Variants in MAMDC2 observed in about 807,000 individuals in gnomAD.
The protein encoded by MAMDC2 is MAM domain-containing protein 2.
A neutral mutation model predicts 89.8 loss-of-function variants in MAMDC2; 57 were observed. That is an observed-to-expected ratio of 0.63 (90% CI 0.51 to 0.79). The LOEUF (loss-of-function observed/expected upper bound fraction) is 0.79, where lower values mean the gene tolerates loss of function less well. Ranked by LOEUF, MAMDC2 falls within the 30% of genes least tolerant of loss-of-function variation. MAMDC2 has a pLI of 0.00. For synonymous variants in MAMDC2, 313 were observed against 293.4 expected (o/e 1.07, Z -0.68); for missense variants, 800 against 820.6 (o/e 0.97, Z 0.31).
intron 9 of MAMDC2, among the ~76,000 whole-genome samples, chr9:70,146,497 A>G (rs1427114190): frequency 6.6e-6 from 1 of 152,242 alleles, no homozygotes; most frequent in Non-Finnish European, 1.5e-5. Context: ...TCATAGAAGC[A>G]TGCATTGGGT....
chr9:70,170,375 A>G (rs1433917494), intron 10 of MAMDC2, 104 bp from the exon 11 acceptor site: 15 of 1,314,396 alleles, frequency 1.1e-5, no homozygotes, highest in Non-Finnish European at 1.5e-5. Context: ...TCTCCATCGC[A>G]TGGCATATGG....
chr9:70,209,343 C>G (rs2033301210), intron 11 of MAMDC2, among the ~76,000 whole-genome samples: 1 of 152,118 alleles, frequency 6.6e-6, no homozygotes, highest in Non-Finnish European at 1.5e-5. Flanking sequence ...TCAACTTCTT[C>G]CTGGTTTAGT....
chr9:70,136,762 T>G (rs2031027997), intron 7 of MAMDC2, among the ~76,000 whole-genome samples: 1 of 152,170 alleles, frequency 6.6e-6, no homozygotes, highest in Non-Finnish European at 1.5e-5. Context: ...AGATTTGGGA[T>G]TTTTATTTGT....
intron 5 of MAMDC2, among the ~76,000 whole-genome samples, chr9:70,120,904 C>G (rs1029804527): frequency 1.3e-5 from 2 of 152,184 alleles, no homozygotes; most frequent in South Asian, 4.1e-4. Flanking sequence ...AACTCATTAT[C>G]TTTGGGTGCC....
intron 11 of MAMDC2, among the ~76,000 whole-genome samples, chr9:70,192,213 G>GT (rs1023722857): frequency 4.6e-5 from 7 of 152,034 alleles, no homozygotes; most frequent in Admixed American, 1.3e-4. Context: ...TTCAAAACAG[G>GT]TGTTTTCTTT....
chr9:70,172,054 T>G (rs1202028472), intron 11 of MAMDC2: 1 of 152,206 alleles, frequency 6.6e-6, no homozygotes, highest in Non-Finnish European at 1.5e-5. Flanking sequence ...ATGAACAGCT[T>G]TATTTTTTCT....
chr9:70,213,321 A>T (rs2033390611), intron 11 of MAMDC2, among the ~76,000 whole-genome samples: 1 of 152,166 alleles, frequency 6.6e-6, no homozygotes, highest in Non-Finnish European at 1.5e-5. Context: ...TGAGAATTTC[A>T]TCTATAGCTA....
intron 8 of MAMDC2, among the ~76,000 whole-genome samples, chr9:70,142,726 GTCTTTCTCT>G (rs566502316): frequency 6.6e-6 from 1 of 152,254 alleles, no homozygotes; most frequent in East Asian, 1.9e-4. Flanking sequence ...GCTCTGGCAT[GTCTTTCTCT>G]TCTTTTGAGT....
intron 6 of MAMDC2, among the ~76,000 whole-genome samples, chr9:70,128,641 G>A (rs1326786953): frequency 6.6e-6 from 1 of 151,950 alleles, no homozygotes; most frequent in Non-Finnish European, 1.5e-5. Flanking sequence ...GTTCAAGAGG[G>A]AGTCAACCTG....
Position 70,061,140 on chromosome 9 carries a change from C to G in MAMDC2, c.148+16443C>G, listed in dbSNP as rs1359960076. Among the ~76,000 whole-genome samples, 4 of 152,298 alleles carry G rather than the reference C, an allele frequency of 2.6e-5. No individual in the cohort carries two copies. The East Asian group carries it at 7.7e-4, about 29-fold the overall frequency. ...ACAACCAAGAGTTTACATCTGTGTT[C>G]TCCAGGCCCACTTAAATAGAACCAC... On this transcript the variant is annotated intron_variant, in intron 2 of 13. Coordinates refer to ENST00000377182, the MANE Select transcript of MAMDC2 (RefSeq NM_153267.5).
At chr9:70,095,213 A>T (rs1486843471) in intron 2 of MAMDC2, among the ~76,000 whole-genome samples, 1 of 152,216 alleles carries the variant, frequency 6.6e-6, no homozygotes, top group Non-Finnish European at 1.5e-5. Flanking sequence ...CACCAAGGCC[A>T]TGTAAATTGA....
Position 70,143,772 on chromosome 9 carries a change from G to A in MAMDC2, c.1357G>A (p.Val453Ile). The A allele has an allele frequency of 6.2e-7, 1 of 1,614,200 alleles. No homozygotes were observed. The highest frequency in any genetic ancestry group is 8.5e-7 in the Non-Finnish European group (1 of 1,180,020). ...GTCTGTGTTGGAGTCCCCAAGGGGT[G>A]TTTGGATGCAAGCTGAAATCACCTT... is the stretch of plus-strand genomic sequence containing the variant. ...IWSVLESPRG[V>I]WMQAEITFKK... Residue 453 changes from valine to isoleucine, a missense_variant, in exon 9 of 14, where the codon GTT (valine) becomes ATT (isoleucine). Transcript: ENST00000377182.
At chr9:70,085,653 C>T (rs1000369161) in intron 2 of MAMDC2, among the ~76,000 whole-genome samples, 1 of 151,978 alleles carries the variant, frequency 6.6e-6, no homozygotes, top group Admixed American at 6.6e-5. Flanking sequence ...CTCAACTAAC[C>T]CTCTGCCTGC....
chr9:70,174,783 G>A (rs534641611), intron 11 of MAMDC2, among the ~76,000 whole-genome samples: 1 of 149,676 alleles, frequency 6.7e-6, no homozygotes, highest in African/African-American at 2.5e-5. Flanking sequence ...GGAGTGCTGT[G>A]GTGTGATCTC....
intron 7 of MAMDC2, among the ~76,000 whole-genome samples, chr9:70,132,648 T>G (rs1374465268): frequency 1.3e-5 from 2 of 152,058 alleles, no homozygotes; most frequent in Non-Finnish European, 2.9e-5. Flanking sequence ...CAAGTGATAT[T>G]CCTGTCTCAG....
At chr9:70,206,538 C>A (rs951461494) in intron 11 of MAMDC2, among the ~76,000 whole-genome samples, 11 of 152,110 alleles carry the variant, frequency 7.2e-5, no homozygotes, top group Non-Finnish European at 1.2e-4. Flanking sequence ...CATTTATAGT[C>A]CCCTCGATGT....
At position 70,225,768 on chromosome 9, in the gene MAMDC2, C is replaced by T. The variant is rs1170391349; in HGVS notation, c.1930C>T (p.Arg644Ter). 7.5e-6 allele frequency: 12 copies of T among 1,602,890 alleles called. No individual in the cohort carries two copies. Among genetic ancestry groups the T allele is most frequent in the African/African-American group, 1.3e-5 (1 of 74,580 alleles). ...CTTTCAGATAATTTTTGAAGCCATT[C>T]GAGGAGTATCAATAAGAAGTGATAT... ...RQHQIIFEAI[R>*]GVSIRSDIAI... Residue 644 changes from arginine to a stop codon, truncating the protein, a stop_gained, in exon 13 of 14, where the codon CGA becomes TGA. Coordinates refer to ENST00000377182, the MANE Select transcript of MAMDC2 (RefSeq NM_153267.5). LOFTEE classifies it high-confidence loss of function.
At chr9:70,145,642 G>A (rs1245750903) in intron 9 of MAMDC2, among the ~76,000 whole-genome samples, 1 of 151,886 alleles carries the variant, frequency 6.6e-6, no homozygotes, top group Non-Finnish European at 1.5e-5. Context: ...AGAAAGTAAT[G>A]GAATCTTCGT....
intron 12 of MAMDC2, among the ~76,000 whole-genome samples, chr9:70,221,002 G>T (rs761520471): frequency 4.6e-5 from 7 of 152,000 alleles, no homozygotes; most frequent in Non-Finnish European, 1.0e-4. Context: ...TCATATCACC[G>T]TGGCAGAACT....
Sources: allele counts gnomAD v4.1 joint callset (sites outside exome capture counted in the v4.1 genomes callset), GRCh38; gene constraint gnomAD v4.1.1; transcripts MANE v1.5; gene names NCBI Gene and HGNC (gene_info 2026-07-23, HGNC 2026-07-21).